The following TVP23A variants were observed in gnomAD, a reference collection of about 807,000 sequenced individuals.
TVP23A encodes the protein trans-golgi network vesicle protein 23 homolog A, also known as Golgi apparatus membrane protein TVP23 homolog A.
A neutral mutation model predicts 31.7 loss-of-function variants in TVP23A; 21 were observed. The ratio of observed to expected loss-of-function variants is 0.66; its 90% confidence interval spans 0.47 to 0.95. TVP23A has a LOEUF of 0.95. Among genes scored for constraint, TVP23A ranks in the 40% least tolerant of loss-of-function variants. TVP23A has a pLI of 0.00. For missense variants in TVP23A, 279 were observed against 255.6 expected, an observed-to-expected ratio of 1.09 and a Z score of -0.62; for synonymous variants, 104 against 96.0, an observed-to-expected ratio of 1.08 and a Z score of -0.49.
At position 10,777,013 on chromosome 16, in the gene TVP23A, T is replaced by C. The variant is rs2032073447; in HGVS notation, c.90-1917A>G. ...ATGACCTGTATCCTGTGCGACCTCC[T>C]ATCTCATCCTGTGACTTAGAATGCC... On this transcript the variant is annotated intron_variant, in intron 2 of 7. Transcript: ENST00000299866. This position sits in a 1 kb window ranked among gnomAD's most constrained non-coding sequence, Gnocchi z 4.5. 6.6e-6 allele frequency among the ~76,000 whole-genome samples: 1 copy of C among 152,172 alleles called. No individual in the cohort carries two copies. Among genetic ancestry groups the C allele is most frequent in the South Asian group, 2.1e-4 (1 of 4,816 alleles).
intron 2 of TVP23A, among the ~76,000 whole-genome samples, chr16:10,804,444 A>C (rs2033849285): frequency 6.6e-6 from 1 of 152,152 alleles, no homozygotes; most frequent in Admixed American, 6.5e-5. Context: ...TGGCTCTAAC[A>C]GATTTCCAAA....
At chr16:10,814,657 C>CA (rs2034356172) in intron 2 of TVP23A, among the ~76,000 whole-genome samples, 1 of 152,180 alleles carries the variant, frequency 6.6e-6, no homozygotes, top group Admixed American at 6.5e-5. Context: ...CTGCCCTGCC[C>CA]AATGCCACAG....
chr16:10,792,979 C>CTTTA (rs936131726), intron 2 of TVP23A, among the ~76,000 whole-genome samples: 1 of 152,128 alleles, frequency 6.6e-6, no homozygotes, highest in African/African-American at 2.4e-5. Flanking sequence ...TGTTTCTGTT[C>CTTTA]TTTATTTCTT....
intron 2 of TVP23A, among the ~76,000 whole-genome samples, chr16:10,786,465 C>T (rs2032758247): frequency 6.6e-6 from 1 of 152,052 alleles, no homozygotes; most frequent in South Asian, 2.1e-4. Flanking sequence ...ACTTTGAAAA[C>T]TGTACTCCTT....
intron 2 of TVP23A, among the ~76,000 whole-genome samples, chr16:10,804,888 A>G (rs1328683581): frequency 6.6e-6 from 1 of 152,070 alleles, no homozygotes; most frequent in Non-Finnish European, 1.5e-5. Context: ...TGTCCCAAAC[A>G]TTTCCATCAC....
rs925869968 is a variant in TVP23A at position 10,767,644 on chromosome 16, T to A, written c.*1458A>T. 9.3e-6 allele frequency: 4 copies of A among 429,470 alleles called. No individual in the cohort carries two copies. Among genetic ancestry groups the A allele is most frequent in the Non-Finnish European group, 1.2e-5 (3 of 243,370 alleles). The allele number at this position is 429,470 out of a possible 1,614,324, so 26.6% of individuals were successfully genotyped here. A position where few individuals can be genotyped will look rare whatever the true frequency, so the allele number is the denominator to read the frequency against. On this transcript the variant is annotated 3_prime_UTR_variant, in exon 8 of 8. Transcript: ENST00000299866. This position sits in a 1 kb window ranked among gnomAD's most constrained non-coding sequence, Gnocchi z 4.6. ...ATTCATGATCCTTTCACTCAAAAGCTAATCTCTTAAAATGCAGACTCCTGG... is the reference window on the plus strand; with the variant it reads ...ATTCATGATCCTTTCACTCAAAAGCAAATCTCTTAAAATGCAGACTCCTGG...
intron 2 of TVP23A, among the ~76,000 whole-genome samples, chr16:10,800,008 C>CTTTTT (rs76396691): frequency 1.7e-5 from 1 of 57,422 alleles, no homozygotes; most frequent in African/African-American, 6.9e-5. Context: ...GAGTGGGGTT[C>CTTTTT]TTTTTTTTTT....
At chr16:10,788,245 G>A (rs1477499846) in intron 2 of TVP23A, among the ~76,000 whole-genome samples, 1 of 151,660 alleles carries the variant, frequency 6.6e-6, no homozygotes, top group African/African-American at 2.4e-5. Context: ...AGGAGTGTCT[G>A]GGTTAAGATG....
At chr16:10,758,163 C>A, downstream of TVP23A, 2 of 971,082 alleles carry the variant, frequency 2.1e-6, no homozygotes, top group Non-Finnish European at 3.0e-6. Flanking sequence ...TGATGTGGGT[C>A]TGCAGAAACC....
rs2032095664 is a variant in TVP23A at position 10,777,251 on chromosome 16, A to AGATTTT, written c.90-2161_90-2156dup. Among the ~76,000 whole-genome samples the AGATTTT allele has an allele frequency of 6.6e-6, 1 of 152,172 alleles. No homozygotes were observed. ...ACCAGACCCAGTACTGCCAGAGCCA[A>AGATTTT]GATTTTCATGAGAAGTCAGAAATCC... On this transcript the variant is annotated intron_variant, in intron 2 of 7. Transcript: ENST00000299866. The surrounding 1 kb of genome is among the most constrained non-coding windows in gnomAD (Gnocchi z 4.5).
At chr16:10,757,890 C>T (rs761771974), downstream of TVP23A, 55 of 1,613,874 alleles carry the variant, frequency 3.4e-5, no homozygotes, top group East Asian at 1.0e-3. The surrounding 1 kb of genome is among the most constrained non-coding windows in gnomAD (Gnocchi z 4.1). Flanking sequence ...CAAGCAGTTC[C>T]TCCGAGATGT....
chr16:10,776,300 G>C (rs2032015934), intron 2 of TVP23A, among the ~76,000 whole-genome samples: 1 of 151,960 alleles, frequency 6.6e-6, no homozygotes, highest in African/African-American at 2.4e-5. Context: ...ACTAGAACCT[G>C]GGAGGCGGAG....
At chr16:10,816,260 T>A in intron 2 of TVP23A, among the ~76,000 whole-genome samples, 1 of 148,268 alleles carries the variant, frequency 6.7e-6, no homozygotes. Flanking sequence ...AAATCCAGGT[T>A]CTAATCCCCA....
intron 2 of TVP23A, among the ~76,000 whole-genome samples, chr16:10,783,022 G>A (rs2032515849): frequency 6.6e-6 from 1 of 152,178 alleles, no homozygotes; most frequent in Non-Finnish European, 1.5e-5. Context: ...AAGCTGTTGG[G>A]TGGTTGCTGC....
intron 2 of TVP23A, among the ~76,000 whole-genome samples, chr16:10,789,305 C>T (rs74702459): frequency 7.9e-5 from 12 of 151,970 alleles, no homozygotes; most frequent in Non-Finnish European, 1.6e-4. Flanking sequence ...GAATTCCCCC[C>T]CAAGAGACAG....
At chr16:10,757,515 G>A (rs143030942), downstream of TVP23A, among the ~76,000 whole-genome samples, 9 of 152,242 alleles carry the variant, frequency 5.9e-5, no homozygotes, top group Admixed American at 1.3e-4. This position sits in a 1 kb window ranked among gnomAD's most constrained non-coding sequence, Gnocchi z 4.1. Context: ...ACCATAGGGT[G>A]TTAAACAGTG....
At chr16:10,773,177 G>A in intron 5 of TVP23A, 136 bp downstream of exon 5, 1 of 1,176,196 alleles carries the variant, frequency 8.5e-7, no homozygotes, top group Non-Finnish European at 1.1e-6. Flanking sequence ...AAATTGTATG[G>A]AATGTGTATT....
chr16:10,762,555 G>A (rs888659003), downstream of TVP23A, among the ~76,000 whole-genome samples: 4 of 152,352 alleles, frequency 2.6e-5, no homozygotes, highest in East Asian at 1.9e-4. Context: ...CCGCGGAGCC[G>A]GGCGGGCCTC....
In TVP23A at chr16:10,818,405, C is replaced by A; in HGVS notation, c.9+80G>T. 1 of 1,563,006 alleles carries A rather than the reference C, an allele frequency of 6.4e-7. No individual in the cohort carries two copies. The highest frequency in any genetic ancestry group is 1.4e-5 in the African/African-American group (1 of 73,926). ...CCCAGGCCCCGGCGCATCCCTCCTCCTCCTCCCGGCTTCTCCAGCGCTCCC... is the reference window on the plus strand; with the variant it reads ...CCCAGGCCCCGGCGCATCCCTCCTCATCCTCCCGGCTTCTCCAGCGCTCCC... On this transcript the variant is annotated intron_variant, in intron 1 of 7. Transcript: ENST00000299866. The surrounding 1 kb of genome is among the most constrained non-coding windows in gnomAD (Gnocchi z 4.7).
Sources: gnomAD v4.1 joint callset for allele counts (sites outside exome capture counted in the v4.1 genomes callset) on GRCh38, gnomAD v4.1.1 for gene constraint, Gnocchi (gnomAD v3.1) non-coding constraint, MANE v1.5 for transcripts, NCBI Gene and HGNC (gene_info 2026-07-23, HGNC 2026-07-21) for gene names.